The following CNBD1 variants were observed in gnomAD, a reference collection of about 807,000 sequenced individuals.
CNBD1 encodes cyclic nucleotide binding domain containing 1, also known as cyclic nucleotide-binding domain-containing protein 1.
A neutral mutation model predicts 54.4 loss-of-function variants in CNBD1; 71 were observed. The observed-to-expected ratio is 1.30, with a 90% confidence interval of 1.08 to 1.59. The LOEUF (loss-of-function observed/expected upper bound fraction) is 1.59. Among genes scored for constraint, CNBD1 ranks in the 40% most tolerant of loss-of-function variants. The pLI is 0.00. For missense variants in CNBD1, 659 were observed against 518.0 expected, an observed-to-expected ratio of 1.27 and a Z score of -2.64; for synonymous variants, 182 against 170.7, an observed-to-expected ratio of 1.07 and a Z score of -0.51.
At position 86,927,252 on chromosome 8, in the gene CNBD1, G is replaced by A. The variant is rs577050391; in HGVS notation, c.273-12344G>A. On this transcript the variant is annotated intron_variant, in intron 3 of 10. Coordinates refer to ENST00000518476, the MANE Select transcript of CNBD1 (RefSeq NM_173538.3). ...TTCCCATTGGAGAAAAAACCATTTT[G>A]TATTTACTAGGAACCATTCAAGAGA... is the stretch of plus-strand genomic sequence containing the variant. Among the ~76,000 whole-genome samples, 7 of 152,198 alleles carry A rather than the reference G, an allele frequency of 4.6e-5. No homozygotes were observed. The South Asian group carries it at 1.2e-3, about 27-fold the overall frequency.
At chr8:86,942,657 C>G (rs1021857369) in intron 4 of CNBD1, among the ~76,000 whole-genome samples, 2 of 152,186 alleles carry the variant, frequency 1.3e-5, no homozygotes, top group African/African-American at 4.8e-5. Context: ...GTTATTCTGA[C>G]TAGGTGAAGT....
chr8:87,334,486 ATATCTC>A (rs1809901292), intron 8 of CNBD1, among the ~76,000 whole-genome samples: 1 of 151,898 alleles, frequency 6.6e-6, no homozygotes, highest in African/African-American at 2.4e-5. Flanking sequence ...TTGATTTGAG[ATATCTC>A]TAGGTTTCCG....
intron 4 of CNBD1, among the ~76,000 whole-genome samples, chr8:86,956,146 T>A (rs1324716760): frequency 6.6e-6 from 1 of 152,098 alleles, no homozygotes; most frequent in Non-Finnish European, 1.5e-5. Flanking sequence ...GTTGTAGATA[T>A]GCGGAGTTAT....
intron 2 of CNBD1, among the ~76,000 whole-genome samples, chr8:87,398,449 T>C (rs995685106): frequency 6.6e-6 from 1 of 151,922 alleles, no homozygotes; most frequent in Non-Finnish European, 1.5e-5. Flanking sequence ...GTAATAAACA[T>C]TTGCTGTGTG....
Position 87,356,136 on chromosome 8 carries a change from C to A in CNBD1, c.1303+2350C>A, listed in dbSNP as rs531959210. Among the ~76,000 whole-genome samples, 3 of 152,242 alleles carry A rather than the reference C, an allele frequency of 2.0e-5. No homozygotes were observed. The South Asian group carries it at 6.2e-4, about 32-fold the overall frequency. ...GGCAAACTGTGAGCCAAATAAACTT[C>A]TTTTCTTTATAAATTACCCAGCTTC... On this transcript the variant is annotated intron_variant, in intron 10 of 10. Coordinates refer to ENST00000518476, the MANE Select transcript of CNBD1 (RefSeq NM_173538.3).
At chr8:87,335,523 C>T (rs536023140) in intron 8 of CNBD1, among the ~76,000 whole-genome samples, 1 of 152,084 alleles carries the variant, frequency 6.6e-6, no homozygotes, top group African/African-American at 2.4e-5. Flanking sequence ...ACTAGGGTTT[C>T]CACCTTTGCT....
chr8:87,151,890 C>T (rs184863999), intron 4 of CNBD1, among the ~76,000 whole-genome samples: 21 of 152,070 alleles, frequency 1.4e-4, no homozygotes, highest in Non-Finnish European at 2.8e-4. Flanking sequence ...CATATTTTTA[C>T]CTTGATAATT....
intron 8 of CNBD1, among the ~76,000 whole-genome samples, chr8:87,291,666 A>C (rs911354670): frequency 1.3e-5 from 2 of 152,030 alleles, no homozygotes; most frequent in Admixed American, 6.6e-5. Context: ...GAGGGGGCAC[A>C]GGGGACAAGG....
chr8:87,267,849 T>C (rs1808293363), intron 6 of CNBD1, among the ~76,000 whole-genome samples: 1 of 152,194 alleles, frequency 6.6e-6, no homozygotes, highest in South Asian at 2.1e-4. Flanking sequence ...TTAAGAAACT[T>C]AATCTCTTTA....
chr8:87,257,902 T>C (rs1808053664), intron 6 of CNBD1, among the ~76,000 whole-genome samples: 1 of 152,148 alleles, frequency 6.6e-6, no homozygotes, highest in Admixed American at 6.6e-5. Flanking sequence ...TGGTTACTTC[T>C]ATGGTGTACA....
At chr8:87,239,643 T>C (rs1807652020) in intron 6 of CNBD1, among the ~76,000 whole-genome samples, 1 of 152,198 alleles carries the variant, frequency 6.6e-6, no homozygotes. Context: ...ATCATTTGAG[T>C]ATAACAAACA....
intron 5 of CNBD1, among the ~76,000 whole-genome samples, chr8:87,216,307 G>A (rs1267195421): frequency 6.6e-6 from 1 of 152,134 alleles, no homozygotes; most frequent in Non-Finnish European, 1.5e-5. Flanking sequence ...AACTCTTTCT[G>A]TGAAATGATT....
At chr8:87,084,571 G>A (rs1275359267) in intron 4 of CNBD1, among the ~76,000 whole-genome samples, 1 of 151,892 alleles carries the variant, frequency 6.6e-6, no homozygotes, top group African/African-American at 2.4e-5. Flanking sequence ...AAATATTCCT[G>A]TATTGTATGA....
intron 1 of CNBD1, among the ~76,000 whole-genome samples, chr8:86,874,483 T>C (rs111847150): frequency 1.6e-4 from 25 of 152,284 alleles, no homozygotes; most frequent in African/African-American, 5.1e-4. Flanking sequence ...AGGTATTACA[T>C]AGAGAGCTTT....
chr8:86,895,551 C>T (rs1808837185), intron 2 of CNBD1, among the ~76,000 whole-genome samples: 1 of 152,174 alleles, frequency 6.6e-6, no homozygotes, highest in African/African-American at 2.4e-5. Context: ...GTGGCTGTAC[C>T]ATTTTGTATT....
intron 6 of CNBD1, among the ~76,000 whole-genome samples, chr8:87,277,281 G>A (rs1448379119): frequency 1.3e-5 from 2 of 151,606 alleles, no homozygotes. Flanking sequence ...CTTATTCAGG[G>A]GAAGGTCAGC....
At chr8:87,379,438 GC>G (rs1811027125) in intron 10 of CNBD1, among the ~76,000 whole-genome samples, 1 of 151,610 alleles carries the variant, frequency 6.6e-6, no homozygotes, top group Non-Finnish European at 1.5e-5. Context: ...ATTTTTTTCA[GC>G]ACCACACCAC....
intron 4 of CNBD1, among the ~76,000 whole-genome samples, chr8:87,170,014 A>G (rs1341959536): frequency 6.6e-6 from 1 of 152,088 alleles, no homozygotes; most frequent in Non-Finnish European, 1.5e-5. Context: ...ATTTATGGAC[A>G]TTTTAACAAT....
chr8:87,377,234 G>A (rs908168536), intron 10 of CNBD1, among the ~76,000 whole-genome samples: 1 of 150,838 alleles, frequency 6.6e-6, no homozygotes, highest in African/African-American at 2.5e-5. Context: ...CATGTGCCAT[G>A]CTGGTGCGCT....
Sources: allele counts gnomAD v4.1 joint callset (sites outside exome capture counted in the v4.1 genomes callset), GRCh38; gene constraint gnomAD v4.1.1; transcripts MANE v1.5; gene names NCBI Gene and HGNC (gene_info 2026-07-23, HGNC 2026-07-21).